ROBO2: variants seen among roughly 807,000 people sequenced by gnomAD.
ROBO2 encodes roundabout homolog 2.
A neutral mutation model predicts 160.8 loss-of-function variants in ROBO2; 53 were observed. The ratio of observed to expected loss-of-function variants is 0.33; its 90% CI spans 0.26 to 0.41. The LOEUF is 0.41. Among genes scored for constraint, ROBO2 ranks in the 10% least tolerant of loss-of-function variants. The probability of loss-of-function intolerance (pLI) is 1.00; values close to 1 mark genes in which losing one functional copy is unlikely to be tolerated. For missense variants in ROBO2, 1,577 were observed against 1,722.4 expected (o/e 0.92, Z 1.49); for synonymous variants, 664 against 611.7 (o/e 1.09, Z -1.26).
chr3:76,244,341 T>A (rs1173541217), intron 2 of ROBO2, among the ~76,000 whole-genome samples: 3 of 152,206 alleles, frequency 2.0e-5, no homozygotes, highest in African/African-American at 7.2e-5. Context: ...CCTTTCTGGG[T>A]CCTGTGATTG....
At chr3:77,133,674 T>G (rs1455027239) in intron 2 of ROBO2, among the ~76,000 whole-genome samples, 1 of 152,192 alleles carries the variant, frequency 6.6e-6, no homozygotes, top group African/African-American at 2.4e-5. Context: ...CCCTGTAATT[T>G]TGCTTGGTAT....
At chr3:76,617,794 G>A (rs1321452656) in intron 2 of ROBO2, among the ~76,000 whole-genome samples, 1 of 151,880 alleles carries the variant, frequency 6.6e-6, no homozygotes, top group Non-Finnish European at 1.5e-5. Context: ...AGTTCTGCAT[G>A]GCTGGGGAAG....
chr3:77,003,915 T>C (rs1472708675), intron 2 of ROBO2, among the ~76,000 whole-genome samples: 1 of 152,160 alleles, frequency 6.6e-6, no homozygotes, highest in Non-Finnish European at 1.5e-5. Context: ...GTTTTCTCTC[T>C]CTGCCTGGGA....
At chr3:76,912,663 G>C (rs2076063098) in intron 2 of ROBO2, among the ~76,000 whole-genome samples, 1 of 152,116 alleles carries the variant, frequency 6.6e-6, no homozygotes. Context: ...AGAAATAGGA[G>C]TGAACATTAT....
chr3:76,431,462 G>A (rs1009328196), intron 2 of ROBO2, among the ~76,000 whole-genome samples: 11 of 152,050 alleles, frequency 7.2e-5, no homozygotes, highest in Admixed American at 1.3e-4. Context: ...ATGTAGTATG[G>A]TTGAATAAAA....
At chr3:77,432,041 A>T (rs967250927) in intron 2 of ROBO2, among the ~76,000 whole-genome samples, 16 of 152,294 alleles carry the variant, frequency 1.1e-4, no homozygotes, top group Non-Finnish European at 2.1e-4. Context: ...CAGGCTGAGC[A>T]ATTTTCTCTG....
intron 2 of ROBO2, among the ~76,000 whole-genome samples, chr3:76,384,588 T>C (rs1044035780): frequency 1.3e-5 from 2 of 152,090 alleles, no homozygotes; most frequent in Non-Finnish European, 2.9e-5. Context: ...GGGTAATTTA[T>C]AAAGGAAAGA....
intron 2 of ROBO2, among the ~76,000 whole-genome samples, chr3:76,243,017 CT>C (rs1300714502): frequency 6.6e-6 from 1 of 152,174 alleles, no homozygotes; most frequent in African/African-American, 2.4e-5. Flanking sequence ...GCTTCTAGGC[CT>C]TTACTGGCTC....
intron 2 of ROBO2, among the ~76,000 whole-genome samples, chr3:76,808,128 C>G (rs2064878092): frequency 6.6e-6 from 1 of 152,016 alleles, no homozygotes; most frequent in South Asian, 2.1e-4. Context: ...TATAATATTA[C>G]TTAGAATTAT....
chr3:76,492,636 T>G (rs753928355), intron 2 of ROBO2, among the ~76,000 whole-genome samples: 3 of 152,170 alleles, frequency 2.0e-5, no homozygotes, highest in Non-Finnish European at 4.4e-5. Flanking sequence ...TGGTCAAACT[T>G]CTCAATGCCT....
At chr3:76,203,073 T>C (rs916567687) in intron 2 of ROBO2, among the ~76,000 whole-genome samples, 31 of 151,256 alleles carry the variant, frequency 2.0e-4, no homozygotes, top group Non-Finnish European at 7.3e-5. Flanking sequence ...CAAATGTATG[T>C]CTTTTAAGAG....
exon 9 of ROBO2, chr3:77,557,988 A>G (rs2093184170): frequency 1.2e-6 from 2 of 1,613,072 alleles, no homozygotes; most frequent in African/African-American, 2.7e-5. Context: ...AGGCCCAGCC[A>G]ACCAAACGCT....
intron 2 of ROBO2, among the ~76,000 whole-genome samples, chr3:77,272,454 T>C (rs1015626370): frequency 7.9e-5 from 12 of 151,842 alleles, no homozygotes; most frequent in Admixed American, 1.3e-4. Context: ...CAACCAGATT[T>C]CATGAGGACT....
intron 2 of ROBO2, among the ~76,000 whole-genome samples, chr3:77,306,444 TTGA>T (rs1442680550): frequency 2.6e-5 from 4 of 152,134 alleles, no homozygotes; most frequent in Admixed American, 1.3e-4. Flanking sequence ...GATGGTTAAT[TTGA>T]TGAAATATAT....
Position 77,260,502 on chromosome 3 carries a change from G to A in ROBO2, c.388+162162G>A, listed in dbSNP as rs142362735. Among the ~76,000 whole-genome samples the A allele has an allele frequency of 1.9e-3, 282 of 152,250 alleles. 1 individual carries two copies. The highest frequency in any genetic ancestry group is 6.5e-3 in the African/African-American group (272 of 41,562). The stretch of plus-strand genomic sequence containing the variant: ...GACTATTTGTGATCCTTAGAACCAT[G>A]ATTTAGGGAATTCCTCAAAGGTGAT... On this transcript the variant is annotated intron_variant, in intron 2 of 25. Coordinates refer to ENST00000461745, the Ensembl canonical transcript of ROBO2.
chr3:77,069,658 T>G (rs1032996889), intron 1 of ROBO2, among the ~76,000 whole-genome samples: 1 of 152,180 alleles, frequency 6.6e-6, no homozygotes, highest in Admixed American at 6.6e-5. Context: ...ATTAATTCAG[T>G]AAACATGTAT....
chr3:77,636,820 G>A (rs556891628), intron 24 of ROBO2, among the ~76,000 whole-genome samples: 2 of 152,092 alleles, frequency 1.3e-5, no homozygotes, highest in African/African-American at 4.8e-5. Flanking sequence ...ATCCATGTTC[G>A]ATAATGAGTA....
chr3:76,019,176 G>T (rs2066493414), intron 2 of ROBO2, among the ~76,000 whole-genome samples: 1 of 151,502 alleles, frequency 6.6e-6, no homozygotes, highest in Non-Finnish European at 1.5e-5. Flanking sequence ...ACATGGTTAG[G>T]TTTTCTCTGA....
intron 2 of ROBO2, among the ~76,000 whole-genome samples, chr3:76,418,665 T>G (rs1577067206): frequency 6.6e-6 from 1 of 151,388 alleles, no homozygotes; most frequent in African/African-American, 2.4e-5. Flanking sequence ...GCTTAAAAAT[T>G]TTATGTTTCA....
Sources: gnomAD v4.1 joint callset for allele counts (sites outside exome capture counted in the v4.1 genomes callset) on GRCh38, gnomAD v4.1.1 for gene constraint, MANE v1.5 for transcripts, NCBI Gene and HGNC (gene_info 2026-07-23, HGNC 2026-07-21) for gene names.